The following NXPH1 variants were observed in gnomAD, a reference collection of about 807,000 sequenced individuals.
The protein encoded by NXPH1 is neurexophilin-1.
A neutral mutation model predicts 23.7 loss-of-function variants in NXPH1; 5 were observed. The ratio of observed to expected loss-of-function variants is 0.21; its 90% confidence interval spans 0.11 to 0.44. NXPH1 has a LOEUF of 0.44. NXPH1 is among the 20% of genes least tolerant of loss of function. NXPH1 has a pLI of 0.99. For synonymous variants in NXPH1, 144 were observed against 122.2 expected (o/e 1.18, Z -1.18); for missense variants, 324 against 321.6 (o/e 1.01, Z -0.06).
In NXPH1 at chr7:8,434,235, T is replaced by A. The variant is rs1434075266; in HGVS notation, c.-631T>A. The A allele has an allele frequency of 6.5e-6, 1 of 152,930 alleles. No individual in the cohort carries two copies. Among genetic ancestry groups the A allele is most frequent in the Admixed American group, 6.5e-5 (1 of 15,290 alleles). The allele number at this position is 152,930 out of a possible 1,614,324, so 9.5% of individuals were successfully genotyped here. On this transcript the variant is annotated 5_prime_UTR_variant, in exon 1 of 3. Coordinates refer to ENST00000405863, the MANE Select transcript of NXPH1 (RefSeq NM_152745.3). The surrounding 1 kb of genome is among the most constrained non-coding windows in gnomAD (Gnocchi z 7.6). ...GCTCTCGTCTGCCGTGTGGTTCTCT[T>A]TTCTTCCGAAAGGCCAGTGTCTTAT... is the stretch of plus-strand genomic sequence containing the variant.
intron 2 of NXPH1, among the ~76,000 whole-genome samples, chr7:8,457,594 G>A (rs1816620357): frequency 6.6e-6 from 1 of 150,644 alleles, no homozygotes; most frequent in South Asian, 2.1e-4. Flanking sequence ...GCCTCAGAAG[G>A]CAGGTAAGAC....
At position 8,604,268 on chromosome 7, in the gene NXPH1, C is replaced by A. The variant is rs148852289; in HGVS notation, c.55-146740C>A. ...TTGTTGATTCAATGTTCTCTGCAAC[C>A]CTTTTCAATATAGCCTGATCTTTTA... is the stretch of plus-strand genomic sequence containing the variant. On this transcript the variant is annotated intron_variant, in intron 2 of 2. Transcript: ENST00000405863. 3.8e-3 allele frequency among the ~76,000 whole-genome samples: 580 copies of A among 152,138 alleles called. 3 individuals are homozygous for A. The highest frequency in any genetic ancestry group is 6.0e-3 in the Non-Finnish European group (411 of 67,976).
At chr7:8,462,258 A>G (rs1374091033) in intron 2 of NXPH1, among the ~76,000 whole-genome samples, 1 of 152,246 alleles carries the variant, frequency 6.6e-6, no homozygotes, top group South Asian at 2.1e-4. Context: ...CATGTTGGCC[A>G]GGATGGCCTC....
chr7:8,539,560 G>T (rs990374047), intron 2 of NXPH1, among the ~76,000 whole-genome samples: 1 of 151,634 alleles, frequency 6.6e-6, no homozygotes, highest in African/African-American at 2.4e-5. Flanking sequence ...CTTTCACAGT[G>T]GTTGCAGAAC....
intron 2 of NXPH1, among the ~76,000 whole-genome samples, chr7:8,712,423 C>T (rs1342609226): frequency 6.6e-6 from 1 of 152,188 alleles, no homozygotes; most frequent in African/African-American, 2.4e-5. Flanking sequence ...ACTGCTTTGA[C>T]AAATGAGTAG....
chr7:8,561,743 G>T (rs1422140648), intron 2 of NXPH1, among the ~76,000 whole-genome samples: 1 of 151,256 alleles, frequency 6.6e-6, no homozygotes, highest in African/African-American at 2.4e-5. Context: ...TCAACAGGAA[G>T]AAAAGAGAAA....
At chr7:8,632,480 T>C (rs1018834828) in intron 2 of NXPH1, among the ~76,000 whole-genome samples, 3 of 152,186 alleles carry the variant, frequency 2.0e-5, no homozygotes, top group African/African-American at 7.2e-5. Flanking sequence ...TTGGCAGTGG[T>C]GAGTGGGAAA....
chr7:8,655,400 TTCTCTCTCTCTCTCTCTCTCTCTC>T (rs869162322), intron 2 of NXPH1, among the ~76,000 whole-genome samples: 143 of 42,892 alleles, frequency 3.3e-3, no homozygotes, highest in African/African-American at 9.5e-3. Context: ...GTCTTTGTCT[TTCTCTCTCTCTCTCTCTCTCTCTC>T]TCTCTCTCTC....
At chr7:8,562,077 G>C (rs935938146) in intron 2 of NXPH1, among the ~76,000 whole-genome samples, 4 of 151,564 alleles carry the variant, frequency 2.6e-5, no homozygotes, top group African/African-American at 9.7e-5. Flanking sequence ...GCATGCTATT[G>C]ACTTATGATC....
chr7:8,563,240 A>T (rs1393738475), intron 2 of NXPH1, among the ~76,000 whole-genome samples: 2 of 151,750 alleles, frequency 1.3e-5, no homozygotes, highest in African/African-American at 4.8e-5. Context: ...AGTGTACAGC[A>T]CTACTTAATT....
At chr7:8,645,051 G>T (rs1166964392) in intron 2 of NXPH1, among the ~76,000 whole-genome samples, 1 of 152,116 alleles carries the variant, frequency 6.6e-6, no homozygotes, top group Non-Finnish European at 1.5e-5. Context: ...ATGTTCCACT[G>T]AATAAAAATA....
At chr7:8,750,919 C>T (rs10225984) in intron 2 of NXPH1, 89 bp from the exon 3 acceptor site, 391,192 of 1,283,244 alleles carry the variant, frequency 0.3, 60,688 homozygotes, top group East Asian at 0.42. Flanking sequence ...ATTATTTAAT[C>T]CTGAGACTCA....
chr7:8,644,230 C>G (rs927356684), intron 2 of NXPH1, among the ~76,000 whole-genome samples: 4 of 152,230 alleles, frequency 2.6e-5, no homozygotes, highest in Admixed American at 1.3e-4. Context: ...GTCAGTGTTC[C>G]TAGATGTTTT....
rs75699785 is a variant in NXPH1, at chr7:8,456,247, C to T, written c.54+20480C>T. 4.8e-3 allele frequency among the ~76,000 whole-genome samples: 729 copies of T among 152,262 alleles called. 6 individuals are homozygous for T. Among genetic ancestry groups the T allele is most frequent in the African/African-American group, 0.017 (705 of 41,542 alleles). On this transcript the variant is annotated intron_variant, in intron 2 of 2. Coordinates refer to ENST00000405863, the MANE Select transcript of NXPH1 (RefSeq NM_152745.3). ...TACTAAGGAGGGCCTTACCTAACAACACTATGTTTTTAAGGGAGGTAGAGT... is the reference window on the plus strand; with the variant it reads ...TACTAAGGAGGGCCTTACCTAACAATACTATGTTTTTAAGGGAGGTAGAGT...
chr7:8,517,390 A>G (rs1394065147), intron 2 of NXPH1, among the ~76,000 whole-genome samples: 1 of 152,168 alleles, frequency 6.6e-6, no homozygotes, highest in African/African-American at 2.4e-5. Context: ...ATGAAAGAAC[A>G]TGGAGTGTAT....
At chr7:8,593,283 A>T (rs1819142520) in intron 2 of NXPH1, among the ~76,000 whole-genome samples, 1 of 151,318 alleles carries the variant, frequency 6.6e-6, no homozygotes. Context: ...GGAAGTGGCT[A>T]TGAACTGTAG....
At chr7:8,714,721 A>G (rs1409763703) in intron 2 of NXPH1, among the ~76,000 whole-genome samples, 1 of 152,010 alleles carries the variant, frequency 6.6e-6, no homozygotes, top group African/African-American at 2.4e-5. Flanking sequence ...CCTAGGTTGT[A>G]TCTAGAAATG....
At chr7:8,684,931 GT>G (rs1247756217) in intron 2 of NXPH1, among the ~76,000 whole-genome samples, 4 of 152,072 alleles carry the variant, frequency 2.6e-5, no homozygotes, top group Non-Finnish European at 4.4e-5. Context: ...TCCAGGATGT[GT>G]TTTAAAAGGC....
At chr7:8,477,496 C>T (rs987014404) in intron 2 of NXPH1, among the ~76,000 whole-genome samples, 1 of 152,080 alleles carries the variant, frequency 6.6e-6, no homozygotes, top group African/African-American at 2.4e-5. Flanking sequence ...CTTTCCTAGA[C>T]TTTTGCCTAG....
Sources: gnomAD v4.1 joint callset for allele counts (sites outside exome capture counted in the v4.1 genomes callset) on GRCh38, gnomAD v4.1.1 for gene constraint, Gnocchi (gnomAD v3.1) non-coding constraint, MANE v1.5 for transcripts, NCBI Gene and HGNC (gene_info 2026-07-23, HGNC 2026-07-21) for gene names.